INPP4B: variants seen among roughly 807,000 people sequenced by gnomAD.
INPP4B encodes inositol polyphosphate-4-phosphatase type II B, also known as inositol polyphosphate 4-phosphatase type II.
Under a neutral mutation model 122.5 loss-of-function variants are expected in INPP4B, and 55 were observed. The observed-to-expected ratio is 0.45, with a 90% CI of 0.36 to 0.56. The LOEUF is 0.56. INPP4B is among the 20% of genes least tolerant of loss of function. The probability of loss-of-function intolerance (pLI) is 0.00; values close to 1 mark genes in which losing one functional copy is unlikely to be tolerated. For missense variants in INPP4B, 1,000 were observed against 1,097.7 expected, an observed-to-expected ratio of 0.91 and a Z score of 1.26; for synonymous variants, 403 against 388.7, an observed-to-expected ratio of 1.04 and a Z score of -0.43.
chr4:142,831,263 C>A (rs542085795), intron 1 of INPP4B, among the ~76,000 whole-genome samples: 2 of 152,112 alleles, frequency 1.3e-5, no homozygotes, highest in Non-Finnish European at 2.9e-5. Flanking sequence ...GTTATTCCAC[C>A]AGATCTAAGT....
intron 2 of INPP4B, among the ~76,000 whole-genome samples, chr4:142,653,855 C>A (rs546583100): frequency 4.6e-5 from 7 of 152,128 alleles, no homozygotes; most frequent in Non-Finnish European, 1.0e-4. Context: ...TTTGACCCAG[C>A]GATCGCATTC....
At chr4:142,263,291 T>G (rs1407819756) in intron 10 of INPP4B, among the ~76,000 whole-genome samples, 1 of 152,154 alleles carries the variant, frequency 6.6e-6, no homozygotes, top group Non-Finnish European at 1.5e-5. Context: ...GATTATTTGG[T>G]TCCTACTTAT....
intron 5 of INPP4B, among the ~76,000 whole-genome samples, chr4:142,410,073 T>C (rs1019814782): frequency 6.6e-6 from 1 of 152,256 alleles, no homozygotes; most frequent in East Asian, 1.9e-4. Context: ...ATTTCTATCA[T>C]TCCAACCAAT....
chr4:142,798,607 A>C (rs72728661), intron 1 of INPP4B, among the ~76,000 whole-genome samples: 17,298 of 151,858 alleles, frequency 0.11, 1,200 homozygotes, highest in Non-Finnish European at 0.15. Flanking sequence ...AAAATGTGTC[A>C]TCAAAAGTGA....
chr4:142,290,332 G>C (rs1755877237), intron 9 of INPP4B, among the ~76,000 whole-genome samples: 1 of 147,504 alleles, frequency 6.8e-6, no homozygotes, highest in Non-Finnish European at 1.5e-5. Flanking sequence ...TCAGCCTCCT[G>C]AGTAGCTGGG....
intron 17 of INPP4B, among the ~76,000 whole-genome samples, chr4:142,158,828 A>G (rs1818563403): frequency 6.6e-6 from 1 of 151,984 alleles, no homozygotes. Context: ...TGTAAAACAT[A>G]GTGAGTTAAA....
At chr4:142,312,144 A>C (rs1765745398) in intron 8 of INPP4B, among the ~76,000 whole-genome samples, 1 of 152,182 alleles carries the variant, frequency 6.6e-6, no homozygotes, top group African/African-American at 2.4e-5. Context: ...TCAAAGATGA[A>C]GACGCAATGT....
chr4:142,423,760 G>GA (rs892096781), intron 5 of INPP4B: 51 of 420,850 alleles, frequency 1.2e-4, no homozygotes, highest in East Asian at 1.4e-4. Flanking sequence ...CGCTTCCATA[G>GA]AAAAAAAACA....
chr4:142,718,539 TAA>T (rs1764107039), intron 2 of INPP4B, among the ~76,000 whole-genome samples: 1 of 152,186 alleles, frequency 6.6e-6, no homozygotes, highest in Non-Finnish European at 1.5e-5. Flanking sequence ...GGCTCAATGA[TAA>T]GAGTGTCTTA....
At chr4:142,538,295 C>T (rs967156516) in intron 2 of INPP4B, among the ~76,000 whole-genome samples, 5 of 151,998 alleles carry the variant, frequency 3.3e-5, no homozygotes, top group African/African-American at 9.7e-5. Flanking sequence ...TGGAGTGTGG[C>T]AAAAGTGGTA....
At chr4:142,300,376 TTTG>T (rs568737253) in intron 9 of INPP4B, among the ~76,000 whole-genome samples, 2 of 152,242 alleles carry the variant, frequency 1.3e-5, no homozygotes, top group East Asian at 1.9e-4. Flanking sequence ...TATGTGGAAT[TTTG>T]TTGTTGTTGT....
At chr4:142,557,336 C>A (rs1403144933) in intron 2 of INPP4B, among the ~76,000 whole-genome samples, 1 of 152,104 alleles carries the variant, frequency 6.6e-6, no homozygotes, top group Admixed American at 6.5e-5. Context: ...TCCTTTAGTT[C>A]CCAGAAATGA....
chr4:142,081,112 C>T (rs375516334), intron 25 of INPP4B, among the ~76,000 whole-genome samples: 3 of 152,090 alleles, frequency 2.0e-5, no homozygotes, highest in Admixed American at 6.6e-5. Context: ...AGGCATAGAA[C>T]AAACACAAGC....
intron 1 of INPP4B, among the ~76,000 whole-genome samples, chr4:142,738,184 C>T (rs1342145928): frequency 1.3e-5 from 2 of 152,166 alleles, no homozygotes; most frequent in African/African-American, 4.8e-5. Context: ...GCACTATTCA[C>T]AGTAGCAAAG....
chr4:142,042,533 TG>T (rs1396119676), intron 25 of INPP4B, among the ~76,000 whole-genome samples: 1 of 23,242 alleles, frequency 4.3e-5, no homozygotes, highest in Non-Finnish European at 2.2e-4. Flanking sequence ...TATGTATGTA[TG>T]TATGTATGTA....
chr4:142,471,863 C>T (rs371123793), intron 2 of INPP4B, among the ~76,000 whole-genome samples: 1 of 150,332 alleles, frequency 6.7e-6, no homozygotes, highest in Non-Finnish European at 1.5e-5. Flanking sequence ...CCCCTTCCTC[C>T]ATAGTATACA....
intron 16 of INPP4B, among the ~76,000 whole-genome samples, chr4:142,173,265 C>T (rs1826434774): frequency 6.6e-6 from 1 of 151,772 alleles, no homozygotes; most frequent in Non-Finnish European, 1.5e-5. Flanking sequence ...AAATGTAAAG[C>T]TTTATATGCA....
At chr4:142,184,526 C>A (rs1224749610) in intron 15 of INPP4B, among the ~76,000 whole-genome samples, 1 of 152,124 alleles carries the variant, frequency 6.6e-6, no homozygotes. Flanking sequence ...TTGGTTCTTC[C>A]CTTTATTCTT....
chr4:142,696,389 A>G lies in INPP4B; in HGVS notation c.-191+29450T>C, dbSNP rs151318539. ...CTCAAGGGAACAATTATAAACAAGGATACCACCCCCAAAGAGTAATAAAAT... is the reference window on the plus strand; with the variant it reads ...CTCAAGGGAACAATTATAAACAAGGGTACCACCCCCAAAGAGTAATAAAAT... On this transcript the variant is annotated intron_variant, in intron 2 of 25. Coordinates refer to ENST00000262992, the MANE Select transcript of INPP4B (RefSeq NM_001101669.3). 2.6e-3 allele frequency among the ~76,000 whole-genome samples: 396 copies of G among 152,254 alleles called. 6 individuals are homozygous for G. The highest frequency in any genetic ancestry group is 0.018 in the East Asian group (94 of 5,172).
Sources: allele counts gnomAD v4.1 joint callset (sites outside exome capture counted in the v4.1 genomes callset), GRCh38; gene constraint gnomAD v4.1.1; transcripts MANE v1.5; gene names NCBI Gene and HGNC (gene_info 2026-07-23, HGNC 2026-07-21).